The following POT1 variants were observed in gnomAD, a reference collection of about 807,000 sequenced individuals.
The protein encoded by POT1 is protection of telomeres protein 1.
A neutral mutation model predicts 78.5 loss-of-function variants in POT1; 47 were observed. The ratio of observed to expected loss-of-function variants is 0.60; its 90% CI spans 0.47 to 0.76. POT1 has a LOEUF of 0.76. Among genes scored for constraint, POT1 ranks in the 30% least tolerant of loss-of-function variants. The pLI, the probability that POT1 is intolerant of heterozygous loss-of-function variation, is 0.00. For missense variants in POT1, 646 were observed against 749.9 expected (o/e 0.86, Z 1.62); for synonymous variants, 259 against 260.7 (o/e 0.99, Z 0.06).
intron 14 of POT1, among the ~76,000 whole-genome samples, chr7:124,836,641 C>T (rs925274686): frequency 6.6e-6 from 1 of 152,146 alleles, no homozygotes; most frequent in African/African-American, 2.4e-5. Flanking sequence ...TCACACTGGC[C>T]AGTCACACGA....
Position 124,919,617 on chromosome 7 carries a change from C to A in POT1, c.-226-3971G>T, listed in dbSNP as rs116135233. On this transcript the variant is annotated intron_variant, in intron 2 of 18. Coordinates refer to ENST00000357628, the MANE Select transcript of POT1 (RefSeq NM_015450.3). Reference sequence around the variant, plus strand: ...CAGAAACACAACAGAGTCTCAGGCACGTACAGAGAAAATGCCAGGTGAAGA... The same window carrying A: ...CAGAAACACAACAGAGTCTCAGGCAAGTACAGAGAAAATGCCAGGTGAAGA... 1.3e-5 allele frequency among the ~76,000 whole-genome samples: 2 copies of A among 152,120 alleles called. 1 individual carries two copies. Among genetic ancestry groups the A allele is most frequent in the South Asian group, 4.1e-4 (2 of 4,826 alleles).
At chr7:124,840,899 GTAT>G in intron 14 of POT1, 71 bp downstream of exon 14, 1 of 1,214,924 alleles carries the variant, frequency 8.2e-7, no homozygotes, top group South Asian at 1.3e-5. Flanking sequence ...TCTGTAAAAT[GTAT>G]TAAACAATAA....
intron 6 of POT1, among the ~76,000 whole-genome samples, chr7:124,881,732 C>T (rs1023305450): frequency 6.6e-6 from 1 of 151,944 alleles, no homozygotes; most frequent in Non-Finnish European, 1.5e-5. Context: ...TTATTTTTTG[C>T]TCTTTCCCAA....
Position 124,881,864 on chromosome 7 carries a change from T to A in POT1, c.124+10402A>T, listed in dbSNP as rs1054074354. ...CAGCATTCGTACTTTAAATAAATAG[T>A]ACACAGTACTTATAATGTATATCTT... On this transcript the variant is annotated intron_variant, in intron 6 of 18. Coordinates refer to ENST00000357628, the MANE Select transcript of POT1 (RefSeq NM_015450.3). Among the ~76,000 whole-genome samples the A allele has an allele frequency of 5.3e-5, 8 of 152,020 alleles. No homozygotes were observed. In the South Asian group the frequency reaches 1.7e-3, roughly 31 times the overall value.
chr7:124,901,922 A>C (rs1169067926), intron 3 of POT1, among the ~76,000 whole-genome samples: 1 of 152,192 alleles, frequency 6.6e-6, no homozygotes, highest in Admixed American at 6.5e-5. Flanking sequence ...AAGAAAGGGT[A>C]TCAGTGACTG....
At chr7:124,885,767 AAAAT>A (rs905118673) in intron 6 of POT1, among the ~76,000 whole-genome samples, 10 of 118,512 alleles carry the variant, frequency 8.4e-5, no homozygotes, top group African/African-American at 6.7e-5. Context: ...CTCCGTCTCA[AAAAT>A]AAATAAATAA....
chr7:124,929,216 T>C (rs1462828207), intron 1 of POT1, among the ~76,000 whole-genome samples: 1 of 152,178 alleles, frequency 6.6e-6, no homozygotes, highest in Non-Finnish European at 1.5e-5. Flanking sequence ...CTGCGTAAAG[T>C]ACCTCCAAAA....
intron 9 of POT1, among the ~76,000 whole-genome samples, chr7:124,853,976 AT>A (rs1453801094): frequency 1.3e-5 from 2 of 152,030 alleles, no homozygotes; most frequent in African/African-American, 4.8e-5. Flanking sequence ...AAACAAGGAA[AT>A]TTAATTCATT....
chr7:124,824,261 G>A (rs1794578187), intron 18 of POT1, among the ~76,000 whole-genome samples, 187 bp from the exon 19 acceptor site: 1 of 151,570 alleles, frequency 6.6e-6, no homozygotes, highest in Admixed American at 6.6e-5. Flanking sequence ...TCATGTTATT[G>A]TTTTGGAGCA....
At position 124,837,060 on chromosome 7, in the gene POT1, T is replaced by C. The variant is rs966405676; in HGVS notation, c.1370-1646A>G. On this transcript the variant is annotated intron_variant, in intron 14 of 18. Coordinates refer to ENST00000357628, the MANE Select transcript of POT1 (RefSeq NM_015450.3). ...CTGAGAGCAATTTATTTGCAATCAG[T>C]AGAAATATTTAACATGGACTATGGA... The C allele has an allele frequency of 4.4e-5, 7 of 159,426 alleles. 1 individual carries two copies. The Middle Eastern group carries it at 4.8e-3, about 110-fold the overall frequency. The allele number at this position is 159,426 out of a possible 1,614,324, so 9.9% of individuals were successfully genotyped here. A position where few individuals can be genotyped will look rare whatever the true frequency, so the allele number is the denominator to read the frequency against.
intron 3 of POT1, among the ~76,000 whole-genome samples, chr7:124,912,644 A>G (rs765329719): frequency 6.6e-6 from 1 of 152,156 alleles, no homozygotes; most frequent in Non-Finnish European, 1.5e-5. Flanking sequence ...TGTTTGGCTC[A>G]TCGGTGTCTA....
chr7:124,862,240 G>A (rs1795615372), intron 8 of POT1, among the ~76,000 whole-genome samples: 1 of 152,150 alleles, frequency 6.6e-6, no homozygotes, highest in African/African-American at 2.4e-5. Context: ...TCAGCTAAAA[G>A]TTGGCACATT....
intron 2 of POT1, among the ~76,000 whole-genome samples, chr7:124,915,875 C>G (rs1169728943): frequency 6.6e-6 from 1 of 151,980 alleles, no homozygotes; most frequent in Non-Finnish European, 1.5e-5. Context: ...CTAAGTAATC[C>G]TATTAGTTAA....
chr7:124,844,032 T>G (rs1305130298), intron 12 of POT1, among the ~76,000 whole-genome samples: 1 of 152,180 alleles, frequency 6.6e-6, no homozygotes, highest in Non-Finnish European at 1.5e-5. Flanking sequence ...TCATCATTTA[T>G]TATTTCTCAC....
intron 14 of POT1, among the ~76,000 whole-genome samples, chr7:124,836,382 T>C (rs767903926): frequency 2.6e-5 from 4 of 152,186 alleles, no homozygotes; most frequent in Non-Finnish European, 4.4e-5. Flanking sequence ...CTATATCATA[T>C]TGCAGCTAGA....
At chr7:124,838,713 C>G (rs1005014044) in intron 14 of POT1, among the ~76,000 whole-genome samples, 7 of 152,184 alleles carry the variant, frequency 4.6e-5, no homozygotes, top group Admixed American at 1.3e-4. Context: ...TCAAGCCATT[C>G]TACTGCCTCA....
chr7:124,841,373 A>G (rs1795025320), intron 13 of POT1, among the ~76,000 whole-genome samples, 195 bp from the exon 14 acceptor site: 1 of 151,930 alleles, frequency 6.6e-6, no homozygotes. Context: ...TAATTATTTG[A>G]TATTTTGTGG....
intron 9 of POT1, among the ~76,000 whole-genome samples, chr7:124,853,960 A>G (rs1158382675): frequency 6.6e-6 from 1 of 152,082 alleles, no homozygotes; most frequent in African/African-American, 2.4e-5. Flanking sequence ...AAGCAAAAGG[A>G]GTTACAAACA....
intron 16 of POT1, 99 bp from the exon 17 acceptor site, chr7:124,827,404 T>G (rs1335911102): frequency 3.7e-6 from 2 of 538,086 alleles, no homozygotes; most frequent in Non-Finnish European, 3.0e-6. Context: ...CTGTAAATTT[T>G]ATTTACTAAA....
Sources: allele counts gnomAD v4.1 joint callset (sites outside exome capture counted in the v4.1 genomes callset), GRCh38; gene constraint gnomAD v4.1.1; transcripts MANE v1.5; gene names NCBI Gene and HGNC (gene_info 2026-07-23, HGNC 2026-07-21).